The following STK32B variants were observed in gnomAD, a reference collection of about 807,000 sequenced individuals.
STK32B encodes serine/threonine-protein kinase 32B.
A neutral mutation model predicts 52.6 loss-of-function variants in STK32B; 43 were observed. That is an observed-to-expected ratio of 0.82 (90% CI 0.64 to 1.05). STK32B has a LOEUF of 1.05. STK32B is among the 50% of genes least tolerant of loss of function. The probability of loss-of-function intolerance (pLI) is 0.00; values close to 1 mark genes in which losing one functional copy is unlikely to be tolerated. For missense variants in STK32B, 621 were observed against 534.6 expected, an observed-to-expected ratio of 1.16 and a Z score of -1.59; for synonymous variants, 238 against 204.3, an observed-to-expected ratio of 1.17 and a Z score of -1.41.
At chr4:5,307,748 G>A (rs6823357) in intron 3 of STK32B, among the ~76,000 whole-genome samples, 1 of 151,958 alleles carries the variant, frequency 6.6e-6, no homozygotes. Flanking sequence ...TTCTCATTTA[G>A]GTAGAGTGTG....
intron 1 of STK32B, among the ~76,000 whole-genome samples, chr4:5,133,057 C>G (rs932985169): frequency 6.6e-6 from 1 of 152,204 alleles, no homozygotes; most frequent in Non-Finnish European, 1.5e-5. Flanking sequence ...CTCAGCCTCC[C>G]ACAGTGCTGG....
intron 4 of STK32B, among the ~76,000 whole-genome samples, chr4:5,345,123 AT>A (rs748081666): frequency 3.3e-5 from 5 of 151,972 alleles, no homozygotes; most frequent in Admixed American, 6.6e-5. Context: ...AGAAATGCTA[AT>A]TTTTATACAA....
intron 3 of STK32B, among the ~76,000 whole-genome samples, chr4:5,321,094 GA>G (rs1560317699): frequency 6.6e-6 from 1 of 152,148 alleles, no homozygotes; most frequent in Non-Finnish European, 1.5e-5. Flanking sequence ...ATTTCAGAGG[GA>G]GGGGGTTGGA....
chr4:5,320,771 C>T (rs1010885632), intron 3 of STK32B, among the ~76,000 whole-genome samples: 1 of 152,158 alleles, frequency 6.6e-6, no homozygotes, highest in South Asian at 2.1e-4. Flanking sequence ...AAACACTTGA[C>T]ATATTAGCAG....
At chr4:5,220,811 G>C (rs1723482140) in intron 3 of STK32B, among the ~76,000 whole-genome samples, 2 of 152,168 alleles carry the variant, frequency 1.3e-5, no homozygotes, top group Non-Finnish European at 2.9e-5. Flanking sequence ...CTCTGTTGCA[G>C]TAATCAACTA....
At chr4:5,331,165 G>T in intron 3 of STK32B, 55 bp from the exon 4 acceptor site, 1 of 1,522,746 alleles carries the variant, frequency 6.6e-7, no homozygotes, top group Non-Finnish European at 8.9e-7. Context: ...CATTGGTCTT[G>T]AGGGTGCTGA....
At chr4:5,440,766 T>G (rs1714659521) in intron 6 of STK32B, among the ~76,000 whole-genome samples, 1 of 152,164 alleles carries the variant, frequency 6.6e-6, no homozygotes, top group South Asian at 2.1e-4. Flanking sequence ...CTTATTATTT[T>G]GAAATATGTC....
At chr4:5,410,913 C>A (rs1315371582) in intron 5 of STK32B, among the ~76,000 whole-genome samples, 1 of 152,148 alleles carries the variant, frequency 6.6e-6, no homozygotes, top group East Asian at 1.9e-4. Flanking sequence ...CTGCTCTCTG[C>A]TTCCAAGTTG....
At chr4:5,371,713 C>T (rs1735258120) in intron 4 of STK32B, among the ~76,000 whole-genome samples, 1 of 152,194 alleles carries the variant, frequency 6.6e-6, no homozygotes, top group Non-Finnish European at 1.5e-5. Flanking sequence ...GTCAAAATTA[C>T]TCAACCCTGC....
chr4:5,409,016 A>G (rs1390294555), intron 5 of STK32B, among the ~76,000 whole-genome samples: 1 of 152,144 alleles, frequency 6.6e-6, no homozygotes, highest in Non-Finnish European at 1.5e-5. Context: ...TGGGTGAGAC[A>G]GTCACTTTCT....
intron 1 of STK32B, among the ~76,000 whole-genome samples, chr4:5,138,388 A>AT (rs944090976): frequency 0.015 from 2,267 of 147,704 alleles, 31 homozygotes; most frequent in Admixed American, 0.024. Context: ...AATTCACTTC[A>AT]TTTTTTTTTT....
chr4:5,101,055 A>T (rs984159921), intron 1 of STK32B, among the ~76,000 whole-genome samples: 2 of 151,956 alleles, frequency 1.3e-5, no homozygotes, highest in Admixed American at 6.6e-5. Context: ...AATTAAAAAC[A>T]TTTGTTTGTA....
rs534532300 is a variant in STK32B, at chr4:5,453,409, A to G, written c.667-3398A>G. Among the ~76,000 whole-genome samples, 1 of 152,286 alleles carries G rather than the reference A, an allele frequency of 6.6e-6. No homozygotes were observed. Among genetic ancestry groups the G allele is most frequent in the Admixed American group, 6.5e-5 (1 of 15,298 alleles). On this transcript the variant is annotated intron_variant, in intron 7 of 11. Coordinates refer to ENST00000282908, the MANE Select transcript of STK32B (RefSeq NM_018401.3). This position sits in a 1 kb window ranked among gnomAD's most constrained non-coding sequence, Gnocchi z 4.0. ...TTCTGGGTCTCTGGTGGCAATGCAGAAAGACCAGGGGATGAGAATCGGGGA... is the reference window on the plus strand; with the variant it reads ...TTCTGGGTCTCTGGTGGCAATGCAGGAAGACCAGGGGATGAGAATCGGGGA...
At chr4:5,176,782 A>G (rs1435250029) in intron 3 of STK32B, among the ~76,000 whole-genome samples, 1 of 152,144 alleles carries the variant, frequency 6.6e-6, no homozygotes, top group Non-Finnish European at 1.5e-5. Context: ...ATGGTCCTCA[A>G]GACACCAACA....
At chr4:5,155,162 A>G (rs1226120965) in intron 2 of STK32B, among the ~76,000 whole-genome samples, 2 of 152,158 alleles carry the variant, frequency 1.3e-5, no homozygotes, top group African/African-American at 4.8e-5. Flanking sequence ...AGGCTCACTT[A>G]TAGCATACAG....
At chr4:5,437,725 G>A (rs1447261333) in intron 6 of STK32B, among the ~76,000 whole-genome samples, 4 of 152,158 alleles carry the variant, frequency 2.6e-5, no homozygotes, top group African/African-American at 9.7e-5. Context: ...GGGTGGTTGG[G>A]AGAATTAAAG....
chr4:5,334,519 C>T (rs1285141386), intron 4 of STK32B, among the ~76,000 whole-genome samples: 3 of 150,384 alleles, frequency 2.0e-5, no homozygotes, highest in East Asian at 2.0e-4. Context: ...ACTATGTTAA[C>T]AGGAGTGGTG....
chr4:5,482,287 A>G (rs947560531), intron 11 of STK32B, among the ~76,000 whole-genome samples: 1 of 152,160 alleles, frequency 6.6e-6, no homozygotes, highest in African/African-American at 2.4e-5. Flanking sequence ...GTTCTTCTTG[A>G]AGAGGTTCTT....
At chr4:5,074,188 ATG>A (rs34284353) in intron 1 of STK32B, among the ~76,000 whole-genome samples, 42,593 of 148,756 alleles carry the variant, frequency 0.29, 6,343 homozygotes, top group South Asian at 0.47. Context: ...AAATATATAT[ATG>A]TGTGTGTGTG....
Sources: allele counts gnomAD v4.1 joint callset (sites outside exome capture counted in the v4.1 genomes callset), GRCh38; gene constraint gnomAD v4.1.1; non-coding constraint Gnocchi (gnomAD v3.1); transcripts MANE v1.5; gene names NCBI Gene and HGNC (gene_info 2026-07-23, HGNC 2026-07-21).